The following MED13 variants were observed in gnomAD, a reference collection of about 807,000 sequenced individuals.
MED13 encodes the protein mediator complex subunit 13, also known as mediator of RNA polymerase II transcription subunit 13.
MED13 carries 23 observed loss-of-function variants against 225.2 expected under a neutral mutation model. The observed-to-expected ratio is 0.10, with a 90% CI of 0.07 to 0.14. The LOEUF (loss-of-function observed/expected upper bound fraction) is 0.14. Among genes scored for constraint, MED13 ranks in the 10% least tolerant of loss-of-function variants. The pLI, the probability that MED13 is intolerant of heterozygous loss-of-function variation, is 1.00. For missense variants in MED13, 2,197 were observed against 2,594.5 expected, an observed-to-expected ratio of 0.85 and a Z score of 3.33; for synonymous variants, 942 against 889.2, an observed-to-expected ratio of 1.06 and a Z score of -1.06.
At chr17:62,030,622 TAGAC>T (rs1229779652) in intron 6 of MED13, 1 of 152,242 alleles carries the variant, frequency 6.6e-6, no homozygotes, top group African/African-American at 2.4e-5. Context: ...AGTTGGAAAT[TAGAC>T]AGTCTTTTTT....
At chr17:61,964,798 T>C (rs1433190054) in intron 20 of MED13, among the ~76,000 whole-genome samples, 1 of 151,836 alleles carries the variant, frequency 6.6e-6, no homozygotes, top group East Asian at 1.9e-4. Flanking sequence ...TAGCCAGGCG[T>C]GGTGGCACAT....
chr17:61,978,722 C>T (rs1339263878), intron 16 of MED13, among the ~76,000 whole-genome samples: 1 of 152,100 alleles, frequency 6.6e-6, no homozygotes, highest in Non-Finnish European at 1.5e-5. Flanking sequence ...AGTCTGAGTC[C>T]ACAGCCTATG....
intron 8 of MED13, among the ~76,000 whole-genome samples, chr17:62,029,047 G>GCTA (rs762536363): frequency 6.6e-6 from 1 of 152,064 alleles, no homozygotes; most frequent in South Asian, 2.1e-4. Flanking sequence ...TATAACCCTA[G>GCTA]CTACTTGGGA....
chr17:62,031,369 T>C lies in MED13; in HGVS notation c.1009+75A>G, dbSNP rs1005872474. 2.6e-5 allele frequency: 32 copies of C among 1,228,004 alleles called. No individual in the cohort carries two copies. The Admixed American group carries it at 8.6e-4, about 33-fold the overall frequency. 76.1% of individuals were successfully genotyped at this position (1,228,004 alleles called of 1,614,324 possible). On this transcript the variant is annotated intron_variant, in intron 6 of 29. Coordinates refer to ENST00000397786, the MANE Select transcript of MED13 (RefSeq NM_005121.3). ...CAAGAAGTTTGAAACTATTTCAAAA[T>C]AAATTATTTCTTAAGTACTTACTGT...
At chr17:61,976,632 T>C (rs932501333) in intron 16 of MED13, among the ~76,000 whole-genome samples, 3 of 152,124 alleles carry the variant, frequency 2.0e-5, no homozygotes, top group Non-Finnish European at 4.4e-5. Context: ...AATGTTGTCA[T>C]TAAAATATAC....
chr17:61,979,373 A>G (rs2080184147), intron 16 of MED13, among the ~76,000 whole-genome samples: 1 of 152,116 alleles, frequency 6.6e-6, no homozygotes, highest in Non-Finnish European at 1.5e-5. Context: ...GCAGTGGTAC[A>G]ATCATGGTTC....
chr17:61,949,435 C>T (rs1425924023), intron 28 of MED13, among the ~76,000 whole-genome samples: 1 of 152,106 alleles, frequency 6.6e-6, no homozygotes, highest in African/African-American at 2.4e-5. Flanking sequence ...CTATGTTGTC[C>T]AGGCTGATCA....
intron 28 of MED13, among the ~76,000 whole-genome samples, chr17:61,949,905 A>G (rs685240): frequency 0.99 from 151,297 of 152,214 alleles, 75,199 homozygotes; most frequent in Middle Eastern, 1. Flanking sequence ...GACTGGTCTC[A>G]AACTGCTGAC....
At chr17:62,031,795 TC>T (rs1469335639) in intron 5 of MED13, among the ~76,000 whole-genome samples, 157 bp from the exon 6 acceptor site, 1 of 150,036 alleles carries the variant, frequency 6.7e-6, no homozygotes, top group African/African-American at 2.4e-5. Context: ...GTTTTTCTTT[TC>T]TTTTTTTTTT....
intron 12 of MED13, among the ~76,000 whole-genome samples, chr17:61,986,515 A>T (rs1036360653): frequency 2.0e-5 from 3 of 152,110 alleles, no homozygotes; most frequent in Admixed American, 6.6e-5. Flanking sequence ...ATTAAATATT[A>T]TTTTTTTCCT....
chr17:61,981,561 T>TA (rs1603396504), intron 16 of MED13, among the ~76,000 whole-genome samples: 1 of 152,054 alleles, frequency 6.6e-6, no homozygotes. Flanking sequence ...AAAAGCAAAA[T>TA]ACTCCCTCAG....
intron 16 of MED13, among the ~76,000 whole-genome samples, chr17:61,981,308 C>T (rs911875977): frequency 1.3e-5 from 2 of 152,162 alleles, no homozygotes; most frequent in African/African-American, 4.8e-5. Context: ...AGGCATGAGC[C>T]ACTGTGCCAG....
rs1338456565 is a variant in MED13, at chr17:61,965,163, T to G, written c.4687A>C (p.Ser1563Arg). Residue 1563 changes from serine (S) to arginine (R), a missense_variant, in exon 20 of 30, where the codon AGT becomes CGT. Coordinates refer to ENST00000397786, the MANE Select transcript of MED13 (RefSeq NM_005121.3). ...NKLPSFPPFG[S>R]MNSNAAGSMS... is the part of the protein sequence containing the mutation. ...GATCCTGCAGCATTACTGTTCATACTGCCAAAGGGTGGAAACGAAGGTAGT... is the reference window on the plus strand; with the variant it reads ...GATCCTGCAGCATTACTGTTCATACGGCCAAAGGGTGGAAACGAAGGTAGT... 16 of 1,614,206 alleles carry G rather than the reference T, an allele frequency of 9.9e-6. No homozygotes were observed. The highest frequency in any genetic ancestry group is 1.4e-5 in the Non-Finnish European group (16 of 1,180,026).
intron 10 of MED13, among the ~76,000 whole-genome samples, chr17:61,994,511 T>C (rs2080330921): frequency 6.6e-6 from 1 of 152,246 alleles, no homozygotes; most frequent in East Asian, 1.9e-4. Flanking sequence ...ATTGTATCTT[T>C]GAAAACTGGT....
intron 8 of MED13, among the ~76,000 whole-genome samples, chr17:62,027,695 T>C (rs886616702): frequency 7.9e-5 from 12 of 152,278 alleles, no homozygotes; most frequent in African/African-American, 2.6e-4. Context: ...AAATGTCTAA[T>C]ATCCAGTATC....
Position 62,010,718 on chromosome 17 carries a change from A to G in MED13, c.1799T>C (p.Val600Ala). The G allele has an allele frequency of 1.2e-6, 2 of 1,609,532 alleles. No homozygotes were observed. Among genetic ancestry groups the G allele is most frequent in the Non-Finnish European group, 1.7e-6 (2 of 1,177,318 alleles). The part of the protein sequence containing the change: ...YQEAVEPTVY[V>A]GTAVNLEEDE... ...TTCTTCCAAGTTTACTGCTGTACCA[A>G]CATATACTGTAGGTTCTACAGCTTC... Residue 600 changes from valine (V) to alanine (A), a missense_variant, in exon 9 of 30, where the codon GTT becomes GCT. Val to Ala is a moderately conservative substitution (Grantham distance 64). This residue lies in a region of MED13 where 884 missense variants were observed against 918.5 expected (regional missense o/e 0.96). Coordinates refer to ENST00000397786, the MANE Select transcript of MED13 (RefSeq NM_005121.3).
At chr17:61,963,240 GA>G (rs1289387639) in intron 20 of MED13, among the ~76,000 whole-genome samples, 4 of 75,066 alleles carry the variant, frequency 5.3e-5, no homozygotes, top group Non-Finnish European at 1.1e-4. Flanking sequence ...AGAAAGAAAA[GA>G]AAAAAAATTC....
chr17:61,962,575 A>G (rs2080010633), intron 21 of MED13, among the ~76,000 whole-genome samples, 177 bp downstream of exon 21: 1 of 152,200 alleles, frequency 6.6e-6, no homozygotes, highest in Admixed American at 6.5e-5. Context: ...TCATATGACT[A>G]TAAAGTTTAT....
At chr17:61,973,358 C>T (rs2080125734) in intron 16 of MED13, among the ~76,000 whole-genome samples, 1 of 151,898 alleles carries the variant, frequency 6.6e-6, no homozygotes, top group South Asian at 2.1e-4. Context: ...TTCTAAAATA[C>T]AGAAATTATA....
Sources: allele counts gnomAD v4.1 joint callset (sites outside exome capture counted in the v4.1 genomes callset), GRCh38; gene constraint gnomAD v4.1.1; regional missense constraint gnomAD v4.1.1; transcripts MANE v1.5; gene names NCBI Gene and HGNC (gene_info 2026-07-23, HGNC 2026-07-21).